The following ZNF726 variants were observed in gnomAD, a reference collection of about 807,000 sequenced individuals.
The protein encoded by ZNF726 is zinc finger protein 92 pseudogene 3.
ZNF726 carries 15 observed loss-of-function variants against 11.6 expected under a neutral mutation model. That is an observed-to-expected ratio of 1.29 (90% CI 0.86 to 1.99). The LOEUF (loss-of-function observed/expected upper bound fraction) is 1.99. ZNF726 is among the 30% of genes most tolerant of loss of function. ZNF726 has a pLI of 0.00. For synonymous variants in ZNF726, 295 were observed against 243.6 expected (o/e 1.21, Z -1.96); for missense variants, 890 against 725.6 (o/e 1.23, Z -2.60).
chr19:23,925,872 A>T (rs1006946813), intron 3 of ZNF726, among the ~76,000 whole-genome samples: 3 of 151,512 alleles, frequency 2.0e-5, no homozygotes, highest in African/African-American at 7.3e-5. Flanking sequence ...GTGTGCCACC[A>T]TGCCTGGCTC....
At chr19:23,940,342 G>C (rs1055060454) in intron 3 of ZNF726, among the ~76,000 whole-genome samples, 1 of 151,874 alleles carries the variant, frequency 6.6e-6, no homozygotes, top group African/African-American at 2.4e-5. Context: ...TTTATTTCTG[G>C]GTTCACTCTT....
intron 3 of ZNF726, among the ~76,000 whole-genome samples, chr19:23,940,276 C>G (rs945935957): frequency 2.6e-5 from 4 of 152,162 alleles, no homozygotes; most frequent in African/African-American, 9.6e-5. Flanking sequence ...AAAGGGTGTC[C>G]TTTCCCACAT....
chr19:23,933,365 A>C lies in ZNF726; in HGVS notation c.1249A>C (p.Ile417Leu), dbSNP rs142813729. 2.3e-3 allele frequency: 3,763 copies of C among 1,613,074 alleles called. 107 individuals are homozygous for C. In the Admixed American group the frequency reaches 0.057, roughly 24 times the overall value. The change falls in exon 4 of 4, where the codon ATA (isoleucine) becomes CTA (leucine). Residue 417 changes from isoleucine to leucine, a missense_variant. Coordinates refer to ENST00000594466, the MANE Select transcript of ZNF726 (RefSeq NM_001244038.2). ...HRSSNLTKHK[I>L]IHTGEKPYKC... The stretch of plus-strand genomic sequence containing the variant: ...ATCCTCAAATCTTACTAAACATAAG[A>C]TAATTCATACTGGAGAGAAACCTTA...
intron 4 of ZNF726, chr19:23,944,500 A>C (rs558519162): frequency 6.5e-6 from 1 of 152,926 alleles, no homozygotes; most frequent in East Asian, 1.9e-4. Context: ...CCCATTTTTC[A>C]ATGGGATTCT....
chr19:23,933,913 C>T lies in ZNF726; in HGVS notation c.1797C>T (p.Gly599=), dbSNP rs773671992. 3.2e-6 allele frequency: 5 copies of T among 1,586,422 alleles called. No homozygotes were observed. The East Asian group carries it at 1.2e-4, about 37-fold the overall frequency. ...GEKPYKCDEC[G]KSFIWSSTLF... ...AACCTTACAAGTGTGACGAATGTGG[C>T]AAATCATTTATCTGGTCCTCAACCC... The change falls in exon 4 of 4, where the codon GGC becomes GGT. Residue 599 remains glycine (G), a synonymous_variant. Transcript: ENST00000594466.
In ZNF726 at chr19:23,933,842, C is replaced by T. The variant is rs190753332; in HGVS notation, c.1726C>T (p.Arg576Ter). 9 of 1,597,284 alleles carry T rather than the reference C, an allele frequency of 5.6e-6. No homozygotes were observed. The East Asian group carries it at 9.1e-5, about 16-fold the overall frequency. ...KCEECGKAFN[R>*]SSNLSTHKII... is the part of the protein sequence containing the mutation. ...TGAAGAATGTGGAAAAGCGTTTAAT[C>T]GATCCTCAAATCTTAGTACGCATAA... The change falls in exon 4 of 4, where the codon CGA becomes TGA. Residue 576 changes from arginine to a stop codon, truncating the protein, a stop_gained. Transcript: ENST00000594466. LOFTEE classifies it low-confidence loss of function (END_TRUNC).
downstream of ZNF726, among the ~76,000 whole-genome samples, chr19:23,937,167 G>A (rs1247109662): frequency 6.6e-6 from 1 of 150,378 alleles, no homozygotes; most frequent in Admixed American, 6.6e-5. Context: ...CCCAGACAGG[G>A]TGGCTGGCCG....
Position 23,933,792 on chromosome 19 carries a change from A to G in ZNF726, c.1676A>G (p.His559Arg), listed in dbSNP as rs185108171. The change falls in exon 4 of 4, where the codon CAT (histidine) becomes CGT (arginine). Residue 559 changes from histidine (H) to arginine (R), a missense_variant. By Grantham distance (29) the His-to-Arg change is conservative (BLOSUM62 0). Transcript: ENST00000594466. ...SSNLSTHKIIHTGEKPYKCEE... is the reference protein window; with the variant it reads ...SSNLSTHKIIRTGEKPYKCEE... ...AATCTTAGTACACATAAGATAATTC[A>G]TACTGGAGAGAAACCTTACAAGTGT... The G allele has an allele frequency of 1.5e-5, 24 of 1,608,200 alleles. No individual in the cohort carries two copies. In the African/African-American group the frequency reaches 1.9e-4, roughly 13 times the overall value.
downstream of ZNF726, among the ~76,000 whole-genome samples, chr19:23,937,633 C>T (rs368573136): frequency 0.05 from 7,524 of 151,216 alleles, 276 homozygotes; most frequent in South Asian, 0.08. Context: ...GGATGGCGGC[C>T]GGGCAGAGAT....
intron 3 of ZNF726, among the ~76,000 whole-genome samples, chr19:23,926,453 T>C (rs1458830159): frequency 1.3e-5 from 2 of 151,214 alleles, no homozygotes; most frequent in Non-Finnish European, 2.9e-5. Flanking sequence ...ACTCAGGAGG[T>C]TGAGGTGGGA....
At position 23,932,479 on chromosome 19, in the gene ZNF726, T is replaced by C; in HGVS notation, c.363T>C (p.Asp121=). The part of the protein sequence containing the change: ...LQLRKGCKSV[D]ECKVHKEGYN... ...TAAGAAAAGGTTGTAAAAGTGTGGATGAGTGTAAGGTACACAAAGAAGGTT... is the reference window on the plus strand; with the variant it reads ...TAAGAAAAGGTTGTAAAAGTGTGGACGAGTGTAAGGTACACAAAGAAGGTT... Residue 121 remains aspartate, a synonymous_variant, in exon 4 of 4, where the codon GAT becomes GAC. Transcript: ENST00000594466. The C allele has an allele frequency of 1.3e-6, 2 of 1,586,432 alleles. No individual in the cohort carries two copies. Among genetic ancestry groups the C allele is most frequent in the Non-Finnish European group, 1.7e-6 (2 of 1,169,962 alleles).
chr19:23,934,988 G>A (rs1207870757), downstream of ZNF726, among the ~76,000 whole-genome samples: 4 of 152,216 alleles, frequency 2.6e-5, no homozygotes, highest in Non-Finnish European at 5.9e-5. Flanking sequence ...ACTCTCTAAT[G>A]GTGGAATTTC....
chr19:23,941,357 G>C (rs759863396), intron 3 of ZNF726, among the ~76,000 whole-genome samples: 2 of 152,060 alleles, frequency 1.3e-5, no homozygotes, highest in Non-Finnish European at 2.9e-5. Flanking sequence ...TTATCTTTTT[G>C]ACATGTTGTT....
downstream of ZNF726, among the ~76,000 whole-genome samples, chr19:23,938,984 TG>T (rs1374509415): frequency 6.6e-6 from 1 of 152,122 alleles, no homozygotes; most frequent in Admixed American, 6.6e-5. Flanking sequence ...TTAATTTCAT[TG>T]TTCCATTTAT....
chr19:23,930,607 T>G (rs1014088878), intron 3 of ZNF726, among the ~76,000 whole-genome samples: 2 of 152,182 alleles, frequency 1.3e-5, no homozygotes, highest in Non-Finnish European at 2.9e-5. Context: ...CCTTGTATTT[T>G]TTTAATAACG....
At position 23,919,394 on chromosome 19, in the gene ZNF726, G is replaced by A. The variant is rs755151681; in HGVS notation, c.25G>A (p.Val9Met). The part of the protein sequence containing the change: MGLLTFRD[V>M]AIEFSLEEWQ... ...CCAGGGACTGTTGACATTTAGGGAT[G>A]TGGCCATAGAATTCTCTCTGGAGGA... Residue 9 changes from valine to methionine, a missense_variant, in exon 2 of 4, where the codon GTG becomes ATG. Val to Met is a conservative substitution (Grantham distance 21). Transcript: ENST00000594466. The A allele has an allele frequency of 3.1e-6, 5 of 1,607,168 alleles. No homozygotes were observed. In the South Asian group the frequency reaches 5.5e-5, roughly 18 times the overall value.
At chr19:23,935,167 G>A (rs1233656449), downstream of ZNF726, 1 of 399,250 alleles carries the variant, frequency 2.5e-6, no homozygotes. Context: ...CCCACATGTT[G>A]TGGGGAGAGA....
At chr19:23,925,524 T>C (rs1446217159) in intron 3 of ZNF726, among the ~76,000 whole-genome samples, 1 of 151,228 alleles carries the variant, frequency 6.6e-6, no homozygotes, top group Non-Finnish European at 1.5e-5. Flanking sequence ...CATCAACAGA[T>C]TTGGTGTTTT....
At chr19:23,935,189 G>T (rs1468900733), downstream of ZNF726, 2 of 421,218 alleles carry the variant, frequency 4.7e-6, no homozygotes, top group African/African-American at 4.1e-5. Context: ...CCAGTGGGAG[G>T]TAACTGAATC....
Sources: gnomAD v4.1 joint callset for allele counts (sites outside exome capture counted in the v4.1 genomes callset) on GRCh38, gnomAD v4.1.1 for gene constraint, MANE v1.5 for transcripts, NCBI Gene and HGNC (gene_info 2026-07-23, HGNC 2026-07-21) for gene names.